PHLPP2: variants seen among roughly 807,000 people sequenced by gnomAD.
PHLPP2 encodes the protein PH domain and leucine rich repeat protein phosphatase 2, also known as PH domain leucine-rich repeat-containing protein phosphatase 2.
A neutral mutation model predicts 124.9 loss-of-function variants in PHLPP2; 66 were observed. That is an observed-to-expected ratio of 0.53 (90% CI 0.43 to 0.65). PHLPP2 has a LOEUF of 0.65. Among genes scored for constraint, PHLPP2 ranks in the 30% least tolerant of loss-of-function variants. The pLI is 0.00. For missense variants in PHLPP2, 1,685 were observed against 1,600.4 expected (o/e 1.05, Z -0.90); for synonymous variants, 681 against 624.7 (o/e 1.09, Z -1.34).
intron 1 of PHLPP2, chr16:71,723,971 C>G: frequency 3.7e-6 from 1 of 270,438 alleles, no homozygotes. Context: ...GGCCCGCCGG[C>G]TCCGCCCCTC....
chr16:71,666,278 G>C (rs746108734), intron 12 of PHLPP2: 1 of 152,226 alleles, frequency 6.6e-6, no homozygotes, highest in Non-Finnish European at 1.5e-5. Flanking sequence ...CACTTTGAGA[G>C]GCCAAGACAG....
At chr16:71,689,385 CTTT>C (rs57755507) in intron 4 of PHLPP2, among the ~76,000 whole-genome samples, 4 of 62,540 alleles carry the variant, frequency 6.4e-5, no homozygotes, top group African/African-American at 2.1e-4. Context: ...CTACACCTGG[CTTT>C]TTTTTTTTTT....
intron 3 of PHLPP2, among the ~76,000 whole-genome samples, chr16:71,695,217 T>C (rs2079815920): frequency 6.6e-6 from 1 of 152,192 alleles, no homozygotes. Context: ...ATTAATATTT[T>C]AAACGTGAGT....
chr16:71,671,230 T>A (rs910386490), intron 10 of PHLPP2, among the ~76,000 whole-genome samples: 1 of 152,172 alleles, frequency 6.6e-6, no homozygotes, highest in African/African-American at 2.4e-5. Context: ...AAAATGATAA[T>A]GATAAAGTAA....
At chr16:71,708,503 C>A (rs1330812142) in intron 2 of PHLPP2, among the ~76,000 whole-genome samples, 4 of 152,198 alleles carry the variant, frequency 2.6e-5, no homozygotes, top group African/African-American at 9.7e-5. Context: ...CCCGCCTGCA[C>A]CCATGTGATT....
chr16:71,712,934 G>C (rs2045333251), intron 2 of PHLPP2, among the ~76,000 whole-genome samples: 1 of 152,088 alleles, frequency 6.6e-6, no homozygotes. Flanking sequence ...GAAAAATCAT[G>C]GTCAGGCATT....
At chr16:71,681,234 T>C (rs932688000) in intron 6 of PHLPP2, among the ~76,000 whole-genome samples, 1 of 152,112 alleles carries the variant, frequency 6.6e-6, no homozygotes, top group Non-Finnish European at 1.5e-5. Context: ...GAATGGGGTA[T>C]ATATTTTAAT....
intron 1 of PHLPP2, among the ~76,000 whole-genome samples, chr16:71,716,443 A>G (rs2045363539): frequency 6.6e-6 from 1 of 152,254 alleles, no homozygotes; most frequent in Admixed American, 6.5e-5. Context: ...TGAAATTCAT[A>G]TATTGCCAAG....
intron 5 of PHLPP2, among the ~76,000 whole-genome samples, chr16:71,682,272 C>T (rs1161966035): frequency 6.8e-6 from 1 of 146,110 alleles, no homozygotes; most frequent in Admixed American, 6.9e-5. Context: ...GGCTGGAGTG[C>T]AGTGGCACGA....
chr16:71,712,561 TC>T (rs2045330902), intron 2 of PHLPP2, among the ~76,000 whole-genome samples: 1 of 152,194 alleles, frequency 6.6e-6, no homozygotes, highest in African/African-American at 2.4e-5. Context: ...GTCAAGGCTT[TC>T]CACCTGATAA....
At chr16:71,652,050 T>G (rs1228280147) in intron 18 of PHLPP2, among the ~76,000 whole-genome samples, 1 of 152,100 alleles carries the variant, frequency 6.6e-6, no homozygotes, top group African/African-American at 2.4e-5. Flanking sequence ...TCATTAAAAC[T>G]AAAAGCTCTG....
rs2044682053 is a variant in PHLPP2, at chr16:71,649,711, C to T, written c.3151G>A (p.Gly1051Ser). ...GTGGTTGAAGCAAATCCCACAGGAC[C>T]TGGGAGGGTGAGCCCATTCATTTCA... is the stretch of plus-strand genomic sequence containing the variant. Reference protein sequence around the residue: ...TCEMNGLTLPGPVGFASTTTI... With the variant: ...TCEMNGLTLPSPVGFASTTTI... Residue 1051 changes from glycine (G) to serine (S), a missense_variant, in exon 19 of 19, where the codon GGT (glycine) becomes AGT (serine). Gly to Ser is a moderately conservative substitution (Grantham distance 56). Coordinates refer to ENST00000568954, the MANE Select transcript of PHLPP2 (RefSeq NM_015020.3). 1 of 1,614,166 alleles carries T rather than the reference C, an allele frequency of 6.2e-7. No individual in the cohort carries two copies. Among genetic ancestry groups the T allele is most frequent in the Non-Finnish European group, 8.5e-7 (1 of 1,179,996 alleles).
At chr16:71,699,833 G>A (rs1026403069) in intron 3 of PHLPP2, among the ~76,000 whole-genome samples, 2 of 152,200 alleles carry the variant, frequency 1.3e-5, no homozygotes, top group Non-Finnish European at 1.5e-5. Context: ...GCTGCTGCAA[G>A]CCTACACAGA....
rs2044676130 is a variant in PHLPP2 at position 71,649,239 on chromosome 16, T to G, written c.3623A>C (p.Gln1208Pro). The G allele has an allele frequency of 1.1e-5, 17 of 1,613,892 alleles. No individual in the cohort carries two copies. The highest frequency in any genetic ancestry group is 1.7e-5 in the Admixed American group (1 of 59,998). The change falls in exon 19 of 19, where the codon CAG becomes CCG. Residue 1208 changes from glutamine (Q) to proline (P), a missense_variant. Physicochemically the swap from Gln to Pro is moderately conservative, Grantham distance 76. Transcript: ENST00000568954. ...GAGCATGCCACTATTCACACTGTTC[T>G]GTCTTCGGATCCCAAAACACGACCC... ...ARGSCFGIRRQNSVNSGMLLP... is the reference protein window; with the variant it reads ...ARGSCFGIRRPNSVNSGMLLP...
In PHLPP2 at chr16:71,649,168, T is replaced by C. The variant is rs1280344408; in HGVS notation, c.3694A>G (p.Thr1232Ala). The stretch of plus-strand genomic sequence containing the variant: ...AGTTTCTTCCCATAGAGGCAGGAGG[T>C]GGAGGGAGACTTCTGTAACTCCATC... ...DRMELQKSPSTSCLYGKKLSN... is the reference protein window; with the variant it reads ...DRMELQKSPSASCLYGKKLSN... Residue 1232 changes from threonine (T) to alanine (A), a missense_variant, in exon 19 of 19, where the codon ACC becomes GCC. Coordinates refer to ENST00000568954, the MANE Select transcript of PHLPP2 (RefSeq NM_015020.3). The C allele has an allele frequency of 6.2e-7, 1 of 1,613,906 alleles. No homozygotes were observed. The highest frequency in any genetic ancestry group is 2.2e-5 in the East Asian group (1 of 44,888).
intron 3 of PHLPP2, among the ~76,000 whole-genome samples, chr16:71,700,515 A>ATTT: frequency 8.2e-6 from 1 of 122,450 alleles, no homozygotes; most frequent in Non-Finnish European, 1.7e-5. Flanking sequence ...TTAGTGACTC[A>ATTT]TTTCTTTTTT....
chr16:71,648,785 A>G lies in PHLPP2; in HGVS notation c.*105T>C, dbSNP rs968610236. 9.0e-6 allele frequency: 8 copies of G among 886,784 alleles called. No homozygotes were observed. Among genetic ancestry groups the G allele is most frequent in the Non-Finnish European group, 1.4e-5 (8 of 570,292 alleles). The allele number at this position is 886,784 out of a possible 1,614,324, so 54.9% of individuals were successfully genotyped here. The stretch of plus-strand genomic sequence containing the variant: ...GACTCCGTCTCAAAACAAACAAACA[A>G]AAAAAAAACGAACAAACAAAAAGAA... On this transcript the variant is annotated 3_prime_UTR_variant, in exon 19 of 19. Transcript: ENST00000568954.
chr16:71,651,138 A>T (rs2145302713), intron 18 of PHLPP2, among the ~76,000 whole-genome samples: 1 of 152,310 alleles, frequency 6.6e-6, no homozygotes, highest in African/African-American at 2.4e-5. Flanking sequence ...TGGGAGTTGG[A>T]TACCAGCCTG....
Position 71,649,566 on chromosome 16 carries a change from T to G in PHLPP2, c.3296A>C (p.Asp1099Ala). The change falls in exon 19 of 19, where the codon GAT becomes GCT. Residue 1099 changes from aspartate to alanine, a missense_variant. Coordinates refer to ENST00000568954, the MANE Select transcript of PHLPP2 (RefSeq NM_015020.3). ...VSSEVGSTAS[D>A]EHNAGGLDTA... ...GTCCAGGCCCCCAGCATTATGCTCA[T>G]CAGAAGCAGTGGACCCCACTTCACT... 2 of 1,614,134 alleles carry G rather than the reference T, an allele frequency of 1.2e-6. No homozygotes were observed. Among genetic ancestry groups the G allele is most frequent in the Non-Finnish European group, 1.7e-6 (2 of 1,180,022 alleles).
Sources: gnomAD v4.1 joint callset for allele counts (sites outside exome capture counted in the v4.1 genomes callset) on GRCh38, gnomAD v4.1.1 for gene constraint, MANE v1.5 for transcripts, NCBI Gene and HGNC (gene_info 2026-07-23, HGNC 2026-07-21) for gene names.